The following GTF2F2 variants were observed in gnomAD, a reference collection of about 807,000 sequenced individuals.
The protein encoded by GTF2F2 is general transcription factor IIF subunit 2.
GTF2F2 carries 23 observed loss-of-function variants against 42.2 expected under a neutral mutation model. The observed-to-expected ratio is 0.55, with a 90% CI of 0.39 to 0.77. The LOEUF is 0.77. Among genes scored for constraint, GTF2F2 ranks in the 30% least tolerant of loss-of-function variants. The probability of loss-of-function intolerance (pLI) is 0.00; values close to 1 mark genes in which losing one functional copy is unlikely to be tolerated. For synonymous variants in GTF2F2, 105 were observed against 100.8 expected (o/e 1.04, Z -0.25); for missense variants, 261 against 287.2 (o/e 0.91, Z 0.66).
chr13:45,257,802 T>A (rs539869842), intron 6 of GTF2F2, among the ~76,000 whole-genome samples: 2 of 152,156 alleles, frequency 1.3e-5, no homozygotes, highest in South Asian at 4.1e-4. Flanking sequence ...CCTGTGCTAG[T>A]CGGTCGTTTT....
intron 4 of GTF2F2, chr13:45,206,345 T>C (rs1054296490): frequency 6.6e-6 from 1 of 152,242 alleles, no homozygotes; most frequent in African/African-American, 2.4e-5. Flanking sequence ...GATCAATTTA[T>C]CTGTCTCCCC....
intron 4 of GTF2F2, among the ~76,000 whole-genome samples, chr13:45,173,762 C>T (rs1034065303): frequency 8.6e-5 from 13 of 151,714 alleles, no homozygotes; most frequent in East Asian, 7.8e-4. Flanking sequence ...GGACTACAGG[C>T]GCCCGCTACC....
chr13:45,259,644 G>C (rs962655775), intron 6 of GTF2F2, among the ~76,000 whole-genome samples: 2 of 128,432 alleles, frequency 1.6e-5, no homozygotes, highest in South Asian at 2.7e-4. Flanking sequence ...CGCAAACCTA[G>C]AACTTTTTTT....
intron 4 of GTF2F2, among the ~76,000 whole-genome samples, chr13:45,176,910 C>T (rs528085123): frequency 2.0e-5 from 3 of 152,152 alleles, no homozygotes; most frequent in South Asian, 2.1e-4. Flanking sequence ...CTCAGCCTCC[C>T]GAGTAGCCGG....
At chr13:45,207,568 GT>G in intron 5 of GTF2F2, 63 bp downstream of exon 5, 1 of 965,688 alleles carries the variant, frequency 1.0e-6, no homozygotes, top group Non-Finnish European at 1.7e-6. Flanking sequence ...AGATACGTGT[GT>G]TATATCGCCT....
At chr13:45,277,472 C>T (rs1429521251) in intron 7 of GTF2F2, among the ~76,000 whole-genome samples, 1 of 152,172 alleles carries the variant, frequency 6.6e-6, no homozygotes, top group Admixed American at 6.5e-5. Context: ...AGGGATGGTG[C>T]TAATTCATGA....
chr13:45,205,733 T>C (rs1412964307), intron 4 of GTF2F2, among the ~76,000 whole-genome samples: 1 of 152,158 alleles, frequency 6.6e-6, no homozygotes, highest in Non-Finnish European at 1.5e-5. Flanking sequence ...TTGGCCAGCA[T>C]GGTCTCGATC....
chr13:45,144,687 C>T (rs577528286), intron 2 of GTF2F2, among the ~76,000 whole-genome samples: 3 of 151,916 alleles, frequency 2.0e-5, no homozygotes, highest in South Asian at 2.1e-4. Flanking sequence ...GTGATCCACC[C>T]GCCTCGGCCT....
intron 5 of GTF2F2, among the ~76,000 whole-genome samples, chr13:45,246,272 A>G (rs951199213): frequency 6.6e-6 from 1 of 151,856 alleles, no homozygotes; most frequent in Non-Finnish European, 1.5e-5. Flanking sequence ...TGGCCTTCCA[A>G]AGTGCTGGGA....
intron 5 of GTF2F2, among the ~76,000 whole-genome samples, chr13:45,235,551 A>G (rs2138225011): frequency 6.6e-6 from 1 of 151,790 alleles, no homozygotes; most frequent in South Asian, 2.1e-4. Flanking sequence ...AGATTTGATG[A>G]AGTAAAATTT....
intron 5 of GTF2F2, among the ~76,000 whole-genome samples, chr13:45,215,001 T>A (rs985950889): frequency 6.6e-6 from 1 of 151,948 alleles, no homozygotes; most frequent in African/African-American, 2.4e-5. Context: ...AGAAAACCCT[T>A]TTCCTATAGA....
At chr13:45,196,648 C>T (rs913156685) in intron 4 of GTF2F2, among the ~76,000 whole-genome samples, 6 of 152,172 alleles carry the variant, frequency 3.9e-5, no homozygotes, top group Admixed American at 6.5e-5. Flanking sequence ...ATTAGTACAA[C>T]ATAACTGTAG....
chr13:45,176,345 G>C (rs1235704452), intron 4 of GTF2F2, among the ~76,000 whole-genome samples: 2 of 152,128 alleles, frequency 1.3e-5, no homozygotes, highest in African/African-American at 4.8e-5. Context: ...AACTGTTATG[G>C]TGAATTTGTA....
intron 4 of GTF2F2, among the ~76,000 whole-genome samples, chr13:45,167,232 ATTT>A (rs553522450): frequency 1.6e-5 from 2 of 127,678 alleles, no homozygotes; most frequent in Non-Finnish European, 3.4e-5. Context: ...CTATTTTACT[ATTT>A]TTTTTTTTTT....
At chr13:45,191,255 A>ATATATATATG (rs1260872563) in intron 4 of GTF2F2, among the ~76,000 whole-genome samples, 1 of 136,528 alleles carries the variant, frequency 7.3e-6, no homozygotes, top group Non-Finnish European at 1.5e-5. Flanking sequence ...ATATATATAT[A>ATATATATATG]GCCATAATCT....
chr13:45,190,276 A>T (rs1872569467), intron 4 of GTF2F2, among the ~76,000 whole-genome samples: 1 of 152,218 alleles, frequency 6.6e-6, no homozygotes, highest in Admixed American at 6.5e-5. Context: ...TGACATTAAA[A>T]ATATTACTTT....
chr13:45,193,758 G>C, intron 4 of GTF2F2: 2 of 1,542,234 alleles, frequency 1.3e-6, no homozygotes, highest in Non-Finnish European at 1.7e-6. Flanking sequence ...CTGGCTGCAT[G>C]CTTGTTGCCT....
intron 7 of GTF2F2, among the ~76,000 whole-genome samples, chr13:45,270,325 C>T (rs1442775886): frequency 6.6e-6 from 1 of 152,088 alleles, no homozygotes; most frequent in African/African-American, 2.4e-5. Flanking sequence ...TTATCTTAGT[C>T]TGTTTTTTGT....
At chr13:45,189,979 A>G (rs570010551) in intron 4 of GTF2F2, among the ~76,000 whole-genome samples, 2 of 152,376 alleles carry the variant, frequency 1.3e-5, no homozygotes, top group African/African-American at 2.4e-5. Context: ...ACCAAAAGCA[A>G]TGGCAACAAA....
Sources: gnomAD v4.1 joint callset for allele counts (sites outside exome capture counted in the v4.1 genomes callset) on GRCh38, gnomAD v4.1.1 for gene constraint, MANE v1.5 for transcripts, NCBI Gene and HGNC (gene_info 2026-07-23, HGNC 2026-07-21) for gene names.